Variants in FOXO3 observed in about 807,000 individuals in gnomAD.
FOXO3 encodes forkhead box O3.
A neutral mutation model predicts 41.9 loss-of-function variants in FOXO3; 4 were observed. The observed-to-expected ratio is 0.10, with a 90% CI of 0.05 to 0.22. The LOEUF is 0.22. Among genes scored for constraint, FOXO3 ranks in the 10% least tolerant of loss-of-function variants. The pLI, the probability that FOXO3 is intolerant of heterozygous loss-of-function variation, is 1.00. For missense variants in FOXO3, 534 were observed against 906.8 expected (o/e 0.59, Z 5.28); for synonymous variants, 318 against 389.3 (o/e 0.82, Z 2.16).
intron 1 of FOXO3, among the ~76,000 whole-genome samples, chr6:108,645,236 G>C (rs899444301): frequency 6.6e-6 from 1 of 152,290 alleles, no homozygotes; most frequent in East Asian, 1.9e-4. Context: ...GTATGTTGTG[G>C]ATAATCTGTG....
In FOXO3 at chr6:108,561,136, T is replaced by TC; in HGVS notation, c.-68dup. On this transcript the variant is annotated 5_prime_UTR_variant, in exon 1 of 3. Transcript: ENST00000406360. ...GGAGCCTTCGCGGCGTCCACGTCCC[T>TC]CCCCCGCTGCACCCCGCCCCGGCGC... is the stretch of plus-strand genomic sequence containing the variant. The TC allele has an allele frequency of 6.8e-6, 10 of 1,473,276 alleles. No individual in the cohort carries two copies. The highest frequency in any genetic ancestry group is 8.9e-6 in the Non-Finnish European group (10 of 1,119,166). 91.3% of individuals were successfully genotyped at this position (1,473,276 alleles called of 1,614,324 possible).
At chr6:108,614,312 C>A (rs954270748) in intron 1 of FOXO3, among the ~76,000 whole-genome samples, 1 of 152,082 alleles carries the variant, frequency 6.6e-6, no homozygotes, top group East Asian at 1.9e-4. Context: ...TTGTCTACTT[C>A]AATTCTATTA....
rs187576351 is a variant in FOXO3 at position 108,564,467 on chromosome 6, G to A, written c.621+2638G>A. 4.7e-4 allele frequency among the ~76,000 whole-genome samples: 72 copies of A among 152,306 alleles called. No homozygotes were observed. In the East Asian group the frequency reaches 8.7e-3, roughly 18 times the overall value. On this transcript the variant is annotated intron_variant, in intron 1 of 2. Coordinates refer to ENST00000406360, the MANE Select transcript of FOXO3 (RefSeq NM_001455.4). ...TACTTTCATTCTGAGTAATGTAAGA[G>A]GATTTTTAACTTCCAAAAATGTCTA...
intron 1 of FOXO3, among the ~76,000 whole-genome samples, chr6:108,600,914 A>G (rs1366827396): frequency 3.3e-5 from 5 of 152,196 alleles, no homozygotes; most frequent in African/African-American, 4.8e-5. Context: ...CCCTTGTGTT[A>G]ATATATTGCA....
At chr6:108,659,428 G>A (rs550831650) in intron 1 of FOXO3, among the ~76,000 whole-genome samples, 93 of 152,256 alleles carry the variant, frequency 6.1e-4, no homozygotes, top group Non-Finnish European at 5.4e-4. Flanking sequence ...GCAGTGCATT[G>A]GAGTTTAGGA....
chr6:108,582,299 T>TGAATA, intron 1 of FOXO3, among the ~76,000 whole-genome samples: 1 of 152,298 alleles, frequency 6.6e-6, no homozygotes, highest in African/African-American at 2.4e-5. Flanking sequence ...AGGCTTGGGC[T>TGAATA]GAATAGAAGT....
intron 1 of FOXO3, among the ~76,000 whole-genome samples, chr6:108,592,761 C>CG (rs1354816807): frequency 1.3e-5 from 2 of 152,074 alleles, no homozygotes; most frequent in Non-Finnish European, 2.9e-5. Flanking sequence ...TGGCATTTGT[C>CG]GGCCACAGCT....
At chr6:108,599,829 A>G (rs1278099000) in intron 1 of FOXO3, among the ~76,000 whole-genome samples, 1 of 152,050 alleles carries the variant, frequency 6.6e-6, no homozygotes, top group African/African-American at 2.4e-5. Flanking sequence ...CATCCCACTT[A>G]CTTTTGACTT....
intron 1 of FOXO3, among the ~76,000 whole-genome samples, chr6:108,617,545 A>G (rs1028166967): frequency 2.0e-5 from 3 of 152,236 alleles, no homozygotes; most frequent in African/African-American, 7.2e-5. Flanking sequence ...AAAAAGTTAT[A>G]AAATTGTCCT....
chr6:108,642,925 T>C (rs1443003142), intron 1 of FOXO3, among the ~76,000 whole-genome samples: 1 of 152,338 alleles, frequency 6.6e-6, no homozygotes, highest in South Asian at 2.1e-4. Context: ...TCAACTAATG[T>C]AACTTCAGCT....
chr6:108,579,632 A>G (rs879541361), intron 1 of FOXO3, among the ~76,000 whole-genome samples: 4 of 152,112 alleles, frequency 2.6e-5, no homozygotes, highest in African/African-American at 4.8e-5. Flanking sequence ...TTGCTCATCC[A>G]TTTTGGTTTT....
At chr6:108,628,655 A>G (rs1034056391) in intron 1 of FOXO3, among the ~76,000 whole-genome samples, 2 of 152,144 alleles carry the variant, frequency 1.3e-5, no homozygotes, top group African/African-American at 4.8e-5. Context: ...GAGTGGAGAC[A>G]GGGAGTGGGT....
chr6:108,646,049 T>C (rs941485973), intron 1 of FOXO3, among the ~76,000 whole-genome samples: 2 of 152,168 alleles, frequency 1.3e-5, no homozygotes, highest in Non-Finnish European at 2.9e-5. Context: ...TAAGAAGTGA[T>C]TGATGCTCAG....
intron 1 of FOXO3, among the ~76,000 whole-genome samples, chr6:108,624,690 TC>T (rs1777762035): frequency 6.6e-6 from 1 of 152,342 alleles, no homozygotes; most frequent in South Asian, 2.1e-4. Context: ...AAACTTTTTT[TC>T]TATGCATAAA....
At chr6:108,654,022 G>T (rs1009485248) in intron 1 of FOXO3, among the ~76,000 whole-genome samples, 2 of 152,204 alleles carry the variant, frequency 1.3e-5, no homozygotes, top group Non-Finnish European at 2.9e-5. Context: ...TCCAAATGCT[G>T]CAGCTTTAAC....
chr6:108,661,063 T>TA (rs1220565992), intron 1 of FOXO3, among the ~76,000 whole-genome samples: 1 of 149,344 alleles, frequency 6.7e-6, no homozygotes, highest in Non-Finnish European at 1.5e-5. Context: ...CTATCTCAAA[T>TA]AAAAAAAAGA....
Position 108,682,211 on chromosome 6 carries a change from T to C in FOXO3, c.*2419T>C, listed in dbSNP as rs1257567328. 1.3e-5 allele frequency: 2 copies of C among 152,670 alleles called. No homozygotes were observed. Among genetic ancestry groups the C allele is most frequent in the African/African-American group, 4.8e-5 (2 of 41,458 alleles). 9.5% of individuals were successfully genotyped at this position (152,670 alleles called of 1,614,324 possible). A position where few individuals can be genotyped will look rare whatever the true frequency, so the allele number is the denominator to read the frequency against. ...TTGAATTCTTTTCAGACATGGTATC[T>C]CATTTATTCTCCTTTTCTAGCGTTT... On this transcript the variant is annotated 3_prime_UTR_variant, in exon 3 of 3. Coordinates refer to ENST00000406360, the MANE Select transcript of FOXO3 (RefSeq NM_001455.4).
At chr6:108,615,298 C>T (rs1237961754) in intron 1 of FOXO3, among the ~76,000 whole-genome samples, 1 of 152,020 alleles carries the variant, frequency 6.6e-6, no homozygotes, top group African/African-American at 2.4e-5. Context: ...CCACTGCTGG[C>T]ATTGATTCTC....
chr6:108,590,867 A>G (rs1776715613), intron 1 of FOXO3, among the ~76,000 whole-genome samples: 1 of 152,182 alleles, frequency 6.6e-6, no homozygotes. Context: ...GCCTCATATG[A>G]CAGCTTTCAG....
Sources: gnomAD v4.1 joint callset for allele counts (sites outside exome capture counted in the v4.1 genomes callset) on GRCh38, gnomAD v4.1.1 for gene constraint, MANE v1.5 for transcripts, NCBI Gene and HGNC (gene_info 2026-07-23, HGNC 2026-07-21) for gene names.